The following ZZZ3 variants were observed in gnomAD, a reference collection of about 807,000 sequenced individuals.
The protein encoded by ZZZ3 is zinc finger ZZ-type containing 3.
ZZZ3 carries 22 observed loss-of-function variants against 95.2 expected under a neutral mutation model. The observed-to-expected ratio is 0.23, with a 90% confidence interval of 0.17 to 0.33. The LOEUF (loss-of-function observed/expected upper bound fraction) is 0.33, where lower values mean the gene tolerates loss of function less well. Among genes scored for constraint, ZZZ3 ranks in the 10% least tolerant of loss-of-function variants. The pLI is 1.00. For synonymous variants in ZZZ3, 335 were observed against 358.9 expected, an observed-to-expected ratio of 0.93 and a Z score of 0.75; for missense variants, 885 against 1,066.5, an observed-to-expected ratio of 0.83 and a Z score of 2.37.
chr1:77,647,345 C>A (rs1570600767), intron 1 of ZZZ3, among the ~76,000 whole-genome samples: 1 of 152,106 alleles, frequency 6.6e-6, no homozygotes, highest in East Asian at 1.9e-4. Context: ...ATGGCGAAAA[C>A]CCATCCCTAC....
intron 5 of ZZZ3, among the ~76,000 whole-genome samples, chr1:77,620,119 C>T (rs1425441104): frequency 1.3e-5 from 2 of 152,046 alleles, no homozygotes; most frequent in African/African-American, 4.8e-5. Context: ...AATATGATGT[C>T]TAAATTCAGA....
chr1:77,570,504 C>T (rs1427237349), intron 12 of ZZZ3, among the ~76,000 whole-genome samples: 3 of 152,112 alleles, frequency 2.0e-5, no homozygotes, highest in Admixed American at 6.6e-5. Context: ...CCACCCCCTC[C>T]TTTGCCCCTT....
At chr1:77,672,114 C>T (rs536279991) in intron 1 of ZZZ3, among the ~76,000 whole-genome samples, 1 of 152,134 alleles carries the variant, frequency 6.6e-6, no homozygotes, top group Admixed American at 6.5e-5. Context: ...TATGTTCAGC[C>T]GAAGGAAAGC....
chr1:77,657,261 C>T (rs954082962), intron 1 of ZZZ3, among the ~76,000 whole-genome samples: 2 of 152,160 alleles, frequency 1.3e-5, no homozygotes, highest in African/African-American at 4.8e-5. Flanking sequence ...GGATTACAGG[C>T]GTGAGCCACC....
At chr1:77,661,539 C>T (rs1670787338) in intron 1 of ZZZ3, among the ~76,000 whole-genome samples, 1 of 152,178 alleles carries the variant, frequency 6.6e-6, no homozygotes, top group Admixed American at 6.5e-5. Flanking sequence ...GCTTTTCTGA[C>T]ACTTAGCTGC....
intron 1 of ZZZ3, among the ~76,000 whole-genome samples, chr1:77,651,395 C>T (rs1327085318): frequency 2.6e-5 from 4 of 151,996 alleles, no homozygotes; most frequent in African/African-American, 9.7e-5. Context: ...AATAAAAAAA[C>T]ACTAACAAAT....
intron 1 of ZZZ3, among the ~76,000 whole-genome samples, chr1:77,671,196 C>T (rs1227015287): frequency 6.6e-6 from 1 of 152,166 alleles, no homozygotes; most frequent in African/African-American, 2.4e-5. Flanking sequence ...TTTTACCTCC[C>T]TGTATATGCA....
chr1:77,568,685 T>C (rs979962475), intron 12 of ZZZ3, among the ~76,000 whole-genome samples: 5 of 149,938 alleles, frequency 3.3e-5, no homozygotes, highest in Admixed American at 6.7e-5. Flanking sequence ...TTCTGAATTG[T>C]AGCAGACTAC....
rs1557696020 is a variant in ZZZ3 at position 77,581,159 on chromosome 1, A to T, written c.1909-90T>A. ...ATAACACGCAAATTGTGGAATTTTT[A>T]AATTAATTTCAAAATATTTGAGTAA... is the stretch of plus-strand genomic sequence containing the variant. On this transcript the variant is annotated intron_variant, in intron 8 of 14. Transcript: ENST00000370801. 25 of 1,028,650 alleles carry T rather than the reference A, an allele frequency of 2.4e-5. No homozygotes were observed. In the South Asian group the frequency reaches 3.3e-4, roughly 14 times the overall value. 63.7% of individuals were successfully genotyped at this position (1,028,650 alleles called of 1,614,324 possible).
At chr1:77,637,114 G>A (rs1668375099) in intron 4 of ZZZ3, among the ~76,000 whole-genome samples, 1 of 152,110 alleles carries the variant, frequency 6.6e-6, no homozygotes, top group Admixed American at 6.5e-5. Flanking sequence ...TATGTATTAG[G>A]GTTTGAGAAG....
At chr1:77,663,596 C>T (rs577499846) in intron 1 of ZZZ3, among the ~76,000 whole-genome samples, 21 of 152,274 alleles carry the variant, frequency 1.4e-4, no homozygotes, top group South Asian at 4.1e-4. Flanking sequence ...TGTGTCCTAA[C>T]CAACATGGAA....
intron 1 of ZZZ3, among the ~76,000 whole-genome samples, chr1:77,666,101 T>C (rs1456351336): frequency 2.0e-5 from 3 of 152,234 alleles, no homozygotes; most frequent in Non-Finnish European, 2.9e-5. Context: ...CAAGGAATAG[T>C]GCTTAAAACT....
rs1006228753 is a variant in ZZZ3, at chr1:77,566,186, A to T, written c.2467-5T>A. 6.3e-7 allele frequency: 1 copy of T among 1,595,490 alleles called. No homozygotes were observed. Among genetic ancestry groups the T allele is most frequent in the Non-Finnish European group, 8.6e-7 (1 of 1,168,112 alleles). Reference sequence around the variant, plus strand: ...TTCTATGCCACAGTTATCACACTATAACAGATTCAGAGAGAAAATGTATTA... The same window carrying T: ...TTCTATGCCACAGTTATCACACTATTACAGATTCAGAGAGAAAATGTATTA... On this transcript the variant is annotated splice_region_variant and splice_polypyrimidine_tract_variant and intron_variant, in intron 13 of 14. Transcript: ENST00000370801.
intron 5 of ZZZ3, among the ~76,000 whole-genome samples, chr1:77,621,917 C>T (rs1227603994): frequency 2.0e-5 from 3 of 152,126 alleles, no homozygotes; most frequent in Admixed American, 2.0e-4. Flanking sequence ...TCTCACATCT[C>T]ACATGTTAAG....
chr1:77,580,053 T>C (rs1194405892), intron 9 of ZZZ3: 1 of 152,998 alleles, frequency 6.5e-6, no homozygotes, highest in East Asian at 1.9e-4. Flanking sequence ...ATTTCGACTA[T>C]TAAAAGAGGC....
intron 1 of ZZZ3, among the ~76,000 whole-genome samples, chr1:77,668,647 C>CA (rs34195679): frequency 0.43 from 46,417 of 107,752 alleles, 9,120 homozygotes; most frequent in African/African-American, 0.58. Context: ...GACCCTGTCT[C>CA]AAAAAAAAAA....
intron 13 of ZZZ3, among the ~76,000 whole-genome samples, chr1:77,566,484 T>C (rs576012315): frequency 6.6e-6 from 1 of 152,326 alleles, no homozygotes; most frequent in South Asian, 2.1e-4. Flanking sequence ...GGGTGTTTTG[T>C]TATTTGTAAT....
At chr1:77,598,716 T>C (rs532910141) in intron 5 of ZZZ3, among the ~76,000 whole-genome samples, 14 of 152,150 alleles carry the variant, frequency 9.2e-5, no homozygotes, top group Non-Finnish European at 1.9e-4. Context: ...AACTCAACAA[T>C]TTGTAAATAA....
chr1:77,669,632 ATTT>A (rs1432976233), intron 1 of ZZZ3, among the ~76,000 whole-genome samples: 1 of 151,778 alleles, frequency 6.6e-6, no homozygotes, highest in South Asian at 2.1e-4. Flanking sequence ...TAATGTTTGT[ATTT>A]TTAGTAGAGA....
Sources: gnomAD v4.1 joint callset for allele counts (sites outside exome capture counted in the v4.1 genomes callset) on GRCh38, gnomAD v4.1.1 for gene constraint, MANE v1.5 for transcripts, NCBI Gene and HGNC (gene_info 2026-07-23, HGNC 2026-07-21) for gene names.